ACTR3C: variants seen among roughly 807,000 people sequenced by gnomAD.
ACTR3C encodes the protein actin related protein 3C, also known as actin-related protein 3C.
A neutral mutation model predicts 26.3 loss-of-function variants in ACTR3C; 18 were observed. The ratio of observed to expected loss-of-function variants is 0.68; its 90% CI spans 0.47 to 1.01. The LOEUF (loss-of-function observed/expected upper bound fraction) is 1.01, where lower values mean the gene tolerates loss of function less well. Ranked by LOEUF, ACTR3C falls within the 50% of genes least tolerant of loss-of-function variation. The pLI, the probability that ACTR3C is intolerant of heterozygous loss-of-function variation, is 0.00. For synonymous variants in ACTR3C, 55 were observed against 94.5 expected (o/e 0.58, Z 2.42); for missense variants, 184 against 250.7 (o/e 0.73, Z 1.80).
downstream of ACTR3C, among the ~76,000 whole-genome samples, chr7:150,239,085 A>G (rs1259626742): frequency 6.6e-6 from 1 of 151,904 alleles, no homozygotes; most frequent in Non-Finnish European, 1.5e-5. Context: ...TCCCTTATAT[A>G]TACTAACCAT....
chr7:149,952,477 A>C, the ACTR3C span, among the ~76,000 whole-genome samples: 1,045 of 138,060 alleles, frequency 7.6e-3, 12 homozygotes, highest in African/African-American at 0.03. Context: ...AATTTGGCTA[A>C]ATAAAACGGA....
chr7:150,114,385 C>T, the ACTR3C span, among the ~76,000 whole-genome samples: 3 of 151,714 alleles, frequency 2.0e-5, no homozygotes, highest in African/African-American at 7.3e-5. Context: ...GCAAATACCT[C>T]GCTGGATCAC....
the ACTR3C span, among the ~76,000 whole-genome samples, chr7:150,195,765 G>A: frequency 6.6e-6 from 1 of 152,224 alleles, no homozygotes; most frequent in African/African-American, 2.4e-5. Context: ...TGTAATAGCA[G>A]CTACTTGGGA....
At chr7:150,023,657 T>G in the ACTR3C span, among the ~76,000 whole-genome samples, 1 of 150,086 alleles carries the variant, frequency 6.7e-6, no homozygotes, top group African/African-American at 2.5e-5. Context: ...TGTGGGGAGA[T>G]TTTTAGCTAA....
the ACTR3C span, among the ~76,000 whole-genome samples, chr7:150,133,794 G>A: frequency 0.021 from 2,987 of 144,000 alleles, no homozygotes; most frequent in African/African-American, 0.083. Flanking sequence ...CTGGAGTGCT[G>A]TGGCACCATC....
the ACTR3C span, among the ~76,000 whole-genome samples, chr7:150,175,831 A>C: frequency 4.2e-4 from 62 of 149,012 alleles, 2 homozygotes; most frequent in African/African-American, 1.5e-3. Flanking sequence ...AAAAAAAAAA[A>C]AAAAGAAAGA....
chr7:150,069,396 C>T, the ACTR3C span, among the ~76,000 whole-genome samples: 1 of 152,030 alleles, frequency 6.6e-6, no homozygotes, highest in Admixed American at 6.5e-5. Context: ...ATGAGGAAGA[C>T]CCAGAAACCA....
chr7:150,183,178 T>C, the ACTR3C span, among the ~76,000 whole-genome samples: 1 of 150,728 alleles, frequency 6.6e-6, no homozygotes, highest in African/African-American at 2.5e-5. Flanking sequence ...AATTGTATTA[T>C]CTTATATTCT....
intron 6 of ACTR3C, among the ~76,000 whole-genome samples, chr7:150,283,648 C>A (rs1213930986): frequency 6.6e-6 from 1 of 152,092 alleles, no homozygotes; most frequent in Non-Finnish European, 1.5e-5. Context: ...TTTTTCACTT[C>A]ATATATACTA....
chr7:149,966,122 G>A, the ACTR3C span, among the ~76,000 whole-genome samples: 26 of 152,296 alleles, frequency 1.7e-4, no homozygotes, highest in East Asian at 4.8e-3. Context: ...CGTCTTGCAG[G>A]GGCTACTCTT....
chr7:150,004,368 CAAGGTG>C, the ACTR3C span: 1 of 152,002 alleles, frequency 6.6e-6, no homozygotes, highest in Non-Finnish European at 1.5e-5. Flanking sequence ...AGCTCTTGCA[CAAGGTG>C]ATGCAAGCTC....
At chr7:150,041,636 C>T in the ACTR3C span, among the ~76,000 whole-genome samples, 4 of 107,174 alleles carry the variant, frequency 3.7e-5, no homozygotes, top group Admixed American at 1.0e-4. Context: ...CGGGGGGTGC[C>T]TCCCCCCCCC....
chr7:150,298,238 T>C (rs895003464), intron 1 of ACTR3C, among the ~76,000 whole-genome samples: 3 of 150,178 alleles, frequency 2.0e-5, no homozygotes, highest in Non-Finnish European at 2.9e-5. Context: ...TACTAAAATA[T>C]GCAAACATGA....
chr7:150,280,797 G>GTGTGTGTGT (rs1563174765), intron 6 of ACTR3C, among the ~76,000 whole-genome samples: 23 of 132,554 alleles, frequency 1.7e-4, no homozygotes, highest in African/African-American at 7.1e-4. Flanking sequence ...TCCTGCTCTT[G>GTGTGTGTGT]ATGTGTGTGT....
the ACTR3C span, among the ~76,000 whole-genome samples, chr7:150,090,321 C>A: frequency 1.3e-5 from 2 of 152,234 alleles, no homozygotes; most frequent in African/African-American, 4.8e-5. Context: ...CATGCCAGAG[C>A]CCTCTGGGCT....
chr7:150,182,882 A>G, the ACTR3C span, among the ~76,000 whole-genome samples: 1 of 151,082 alleles, frequency 6.6e-6, no homozygotes, highest in East Asian at 1.9e-4. Context: ...GGCTGAATAA[A>G]CTAAAAGTTA....
chr7:149,983,720 C>T, the ACTR3C span, among the ~76,000 whole-genome samples: 2 of 151,628 alleles, frequency 1.3e-5, no homozygotes, highest in Non-Finnish European at 2.9e-5. Flanking sequence ...ATGTGGAAAC[C>T]ATCTAAATGC....
chr7:150,056,527 A>C, the ACTR3C span, among the ~76,000 whole-genome samples: 1 of 152,224 alleles, frequency 6.6e-6, no homozygotes, highest in African/African-American at 2.4e-5. Flanking sequence ...TAATTCTCTC[A>C]ACAATTACTT....
At chr7:150,021,224 T>C in the ACTR3C span, among the ~76,000 whole-genome samples, 1 of 151,804 alleles carries the variant, frequency 6.6e-6, no homozygotes, top group East Asian at 1.9e-4. Context: ...GCAGACCACC[T>C]GGCAAGCAGG....
Sources: allele counts gnomAD v4.1 joint callset (sites outside exome capture counted in the v4.1 genomes callset), GRCh38; gene constraint gnomAD v4.1.1; transcripts MANE v1.5; gene names NCBI Gene and HGNC (gene_info 2026-07-23, HGNC 2026-07-21).